PSIP1: variants seen among roughly 807,000 people sequenced by gnomAD.
PSIP1 encodes the protein PC4 and SRSF1 interacting protein 1.
PSIP1 carries 19 observed loss-of-function variants against 74.7 expected under a neutral mutation model. The observed-to-expected ratio is 0.25, with a 90% CI of 0.18 to 0.37. PSIP1 has a LOEUF of 0.37. PSIP1 is among the 10% of genes least tolerant of loss of function. The pLI, the probability that PSIP1 is intolerant of heterozygous loss-of-function variation, is 1.00. For missense variants in PSIP1, 601 were observed against 614.3 expected, an observed-to-expected ratio of 0.98 and a Z score of 0.23; for synonymous variants, 222 against 195.3, an observed-to-expected ratio of 1.14 and a Z score of -1.14.
intron 5 of PSIP1, 78 bp downstream of exon 5, chr9:15,486,745 CTAAT>C (rs2036570371): frequency 2.1e-6 from 2 of 940,878 alleles, no homozygotes; most frequent in Non-Finnish European, 3.3e-6. Flanking sequence ...AAATTACTTA[CTAAT>C]TAATCATGGC....
chr9:15,469,316 G>T lies in PSIP1; in HGVS notation c.1054C>A (p.Leu352Ile). Residue 352 changes from leucine (L) to isoleucine (I), a missense_variant, in exon 12 of 16, where the codon CTT becomes ATT. Physicochemically the swap from Leu to Ile is conservative, Grantham distance 5. Coordinates refer to ENST00000380733, the MANE Select transcript of PSIP1 (RefSeq NM_033222.5). ...KKRETSMDSR[L>I]QRIHAEIKNS... The stretch of plus-strand genomic sequence containing the variant: ...TTAATCTCAGCATGTATCCTTTGAA[G>T]TCGAGAATCCATTGATGTTTCTACA... 6.4e-7 allele frequency: 1 copy of T among 1,570,874 alleles called. No individual in the cohort carries two copies. Among genetic ancestry groups the T allele is most frequent in the Non-Finnish European group, 8.6e-7 (1 of 1,156,662 alleles).
chr9:15,510,081 T>C (rs775365701), intron 2 of PSIP1, 36 bp downstream of exon 2: 3 of 1,579,670 alleles, frequency 1.9e-6, no homozygotes, highest in African/African-American at 2.8e-5. Context: ...GAGAGGAGGG[T>C]AGCACTGCTA....
At position 15,472,090 on chromosome 9, in the gene PSIP1, G is replaced by A. The variant is rs574543799; in HGVS notation, c.977+542C>T. The A allele has an allele frequency of 2.3e-5, 23 of 981,774 alleles. No individual in the cohort carries two copies. In the South Asian group the frequency reaches 9.0e-4, roughly 38 times the overall value. The allele number at this position is 981,774 out of a possible 1,614,324, so 60.8% of individuals were successfully genotyped here. On this transcript the variant is annotated intron_variant, in intron 10 of 15. Transcript: ENST00000380733. ...CCCATGGCAAGTCCTGTCTCTATAA[G>A]TATCAAAATTTAAGAGAAAACAGCT...
chr9:15,499,865 G>C (rs1362258247), intron 3 of PSIP1, among the ~76,000 whole-genome samples: 2 of 144,286 alleles, frequency 1.4e-5, no homozygotes, highest in South Asian at 2.2e-4. Context: ...CAGAGCAAGA[G>C]ACTCTGTCTC....
At chr9:15,507,836 G>A (rs1278081825) in intron 2 of PSIP1, among the ~76,000 whole-genome samples, 1 of 152,148 alleles carries the variant, frequency 6.6e-6, no homozygotes, top group Non-Finnish European at 1.5e-5. Context: ...ATTTGTGAGG[G>A]AAGTCTAAAG....
chr9:15,487,234 G>T (rs1014292000), intron 4 of PSIP1, among the ~76,000 whole-genome samples: 2 of 151,822 alleles, frequency 1.3e-5, no homozygotes, highest in African/African-American at 4.8e-5. Flanking sequence ...ATGGTGACAA[G>T]GCTTGGCAAT....
intron 2 of PSIP1, among the ~76,000 whole-genome samples, chr9:15,509,415 C>A (rs1206395762): frequency 6.6e-6 from 1 of 152,202 alleles, no homozygotes; most frequent in Non-Finnish European, 1.5e-5. Context: ...CATCCTGGGT[C>A]CTTAATCATT....
chr9:15,486,976 C>G (rs2036584409), intron 4 of PSIP1, 45 bp from the exon 5 acceptor site: 1 of 1,252,442 alleles, frequency 8.0e-7, no homozygotes, highest in Non-Finnish European at 1.1e-6. Context: ...AAGTTTTTAT[C>G]CCAATAATAT....
intron 4 of PSIP1, among the ~76,000 whole-genome samples, chr9:15,488,992 G>A (rs2036699672): frequency 6.6e-6 from 1 of 152,148 alleles, no homozygotes. Context: ...ATGCACCCCA[G>A]CCTGGGCGAC....
intron 3 of PSIP1, among the ~76,000 whole-genome samples, chr9:15,496,171 A>C (rs78313368): frequency 0.019 from 2,922 of 152,318 alleles, 97 homozygotes; most frequent in African/African-American, 0.067. Context: ...CTAGCAGCAA[A>C]TGTTGTAGTT....
At chr9:15,466,917 G>C (rs1292260912) in intron 14 of PSIP1, 58 bp from the exon 15 acceptor site, 6 of 1,298,760 alleles carry the variant, frequency 4.6e-6, no homozygotes, top group Non-Finnish European at 6.6e-6. Context: ...ATAATTGAAG[G>C]TGTCCACTAA....
rs764202919 is a variant in PSIP1 at position 15,489,994 on chromosome 9, T to C, written c.280A>G (p.Ser94Gly). ...IDNNPKVKFS[S>G]QQAATKQSNA... Reference sequence around the variant, plus strand: ...TATGTAATATGACTTACCTGTTGACTTGAAAATTTCACTTTTGGATTGTTA... The same window carrying C: ...TATGTAATATGACTTACCTGTTGACCTGAAAATTTCACTTTTGGATTGTTA... The change falls in exon 4 of 16, where the codon AGT (serine) becomes GGT (glycine). Residue 94 changes from serine to glycine, a missense_variant. Around this residue, in one of 2 missense-constraint regions of PSIP1, gnomAD observed 538 missense variants for 507.6 expected, o/e 1.06. Transcript: ENST00000380733. 9 of 1,572,804 alleles carry C rather than the reference T, an allele frequency of 5.7e-6. No homozygotes were observed. In the South Asian group the frequency reaches 9.5e-5, roughly 17 times the overall value.
intron 3 of PSIP1, among the ~76,000 whole-genome samples, chr9:15,496,935 G>A (rs148872569): frequency 5.9e-5 from 9 of 152,156 alleles, no homozygotes; most frequent in Middle Eastern, 3.2e-3. Flanking sequence ...GTGTTGGCAA[G>A]GATGTGGAGA....
intron 3 of PSIP1, among the ~76,000 whole-genome samples, chr9:15,494,086 G>A (rs2036961790): frequency 6.6e-6 from 1 of 152,084 alleles, no homozygotes; most frequent in African/African-American, 2.4e-5. Context: ...CAGGAAAATG[G>A]AACTGATACT....
chr9:15,471,219 A>G, intron 10 of PSIP1: 3 of 1,606,076 alleles, frequency 1.9e-6, no homozygotes, highest in Non-Finnish European at 2.6e-6. Flanking sequence ...ACTGTAGATT[A>G]CATGTTGTTT....
chr9:15,506,521 A>G (rs1489305705), intron 3 of PSIP1, 40 bp downstream of exon 3: 2 of 1,419,032 alleles, frequency 1.4e-6, no homozygotes, highest in Non-Finnish European at 2.0e-6. Flanking sequence ...TAACCCTGTT[A>G]AATTAGCTCT....
At chr9:15,491,082 C>A (rs753753680) in intron 3 of PSIP1, among the ~76,000 whole-genome samples, 18 of 152,160 alleles carry the variant, frequency 1.2e-4, no homozygotes, top group Non-Finnish European at 2.6e-4. Context: ...TACATAAATT[C>A]ATTTTATGTG....
At chr9:15,474,998 G>T (rs2036012836) in intron 8 of PSIP1, among the ~76,000 whole-genome samples, 1 of 152,072 alleles carries the variant, frequency 6.6e-6, no homozygotes, top group African/African-American at 2.4e-5. Context: ...CTATCATTCA[G>T]TTCAACCCCT....
At chr9:15,500,023 C>T (rs1189959175) in intron 3 of PSIP1, among the ~76,000 whole-genome samples, 2 of 152,040 alleles carry the variant, frequency 1.3e-5, no homozygotes, top group East Asian at 1.9e-4. Flanking sequence ...TAACTTGCTG[C>T]TTCATTTCTA....
Sources: allele counts gnomAD v4.1 joint callset (sites outside exome capture counted in the v4.1 genomes callset), GRCh38; gene constraint gnomAD v4.1.1; regional missense constraint gnomAD v4.1.1; transcripts MANE v1.5; gene names NCBI Gene and HGNC (gene_info 2026-07-23, HGNC 2026-07-21).